Variants in TENM2 observed in about 807,000 individuals in gnomAD.
TENM2 encodes the protein teneurin transmembrane protein 2, also known as teneurin-2.
TENM2 carries 52 observed loss-of-function variants against 245.2 expected under a neutral mutation model. That is an observed-to-expected ratio of 0.21 (90% confidence interval 0.17 to 0.27). The LOEUF (loss-of-function observed/expected upper bound fraction) is 0.27. TENM2 is among the 10% of genes least tolerant of loss of function. TENM2 has a pLI of 1.00. For missense variants in TENM2, 3,046 were observed against 3,666.8 expected, an observed-to-expected ratio of 0.83 and a Z score of 4.37; for synonymous variants, 1,363 against 1,438.9, an observed-to-expected ratio of 0.95 and a Z score of 1.19.
At chr5:167,221,776 C>A in the TENM2 span, among the ~76,000 whole-genome samples, 1 of 152,178 alleles carries the variant, frequency 6.6e-6, no homozygotes, top group Non-Finnish European at 1.5e-5. Flanking sequence ...CTCCAGGAAT[C>A]TTCTGCTTTA....
the TENM2 span, among the ~76,000 whole-genome samples, chr5:167,245,757 AAATTATAG>A: frequency 2.0e-5 from 3 of 152,202 alleles, no homozygotes; most frequent in Admixed American, 1.3e-4. Context: ...GCGCAAAAGC[AAATTATAG>A]AATAGTAATT....
At chr5:167,648,845 G>T (rs1281803316) in intron 2 of TENM2, among the ~76,000 whole-genome samples, 1 of 152,168 alleles carries the variant, frequency 6.6e-6, no homozygotes, top group African/African-American at 2.4e-5. Context: ...CAAAATGCCT[G>T]TACTTTGTTC....
chr5:167,272,746 G>A, the TENM2 span, among the ~76,000 whole-genome samples: 1 of 152,066 alleles, frequency 6.6e-6, no homozygotes, highest in African/African-American at 2.4e-5. Context: ...TGGCTTTCTT[G>A]ATACCATACA....
At chr5:168,061,498 C>G (rs1194705320) in intron 6 of TENM2, among the ~76,000 whole-genome samples, 1 of 152,154 alleles carries the variant, frequency 6.6e-6, no homozygotes, top group Non-Finnish European at 1.5e-5. Context: ...AACAGAGATG[C>G]ATTAATATAA....
chr5:167,813,387 GCACACACACA>G (rs142804283), intron 2 of TENM2, among the ~76,000 whole-genome samples: 10 of 145,422 alleles, frequency 6.9e-5, no homozygotes, highest in African/African-American at 2.2e-4. Context: ...TACAAGTTCT[GCACACACACA>G]CACACACACA....
At chr5:167,115,770 G>A in the TENM2 span, among the ~76,000 whole-genome samples, 1 of 152,140 alleles carries the variant, frequency 6.6e-6, no homozygotes, top group Non-Finnish European at 1.5e-5. Flanking sequence ...TTTAATTGGA[G>A]GATGAATTTA....
intron 2 of TENM2, among the ~76,000 whole-genome samples, chr5:167,605,739 AATTG>A (rs1367420135): frequency 6.6e-6 from 1 of 152,194 alleles, no homozygotes; most frequent in Admixed American, 6.5e-5. Flanking sequence ...GTACCAGGTA[AATTG>A]ATTGGCTGTT....
At chr5:167,815,887 CTCT>C (rs1561812752) in intron 2 of TENM2, among the ~76,000 whole-genome samples, 1 of 151,990 alleles carries the variant, frequency 6.6e-6, no homozygotes, top group Non-Finnish European at 1.5e-5. Context: ...CTGAGAAGAT[CTCT>C]TCTTTCCCCT....
Position 167,358,840 on chromosome 5 carries a change from C to T in TENM2, c.227-16358C>T, listed in dbSNP as rs993153177. ...ACACACACACACACACACACACACACACACACACACACCCTGCTGTTTTTA... is the reference window on the plus strand; with the variant it reads ...ACACACACACACACACACACACACATACACACACACACCCTGCTGTTTTTA... On this transcript the variant is annotated intron_variant, in intron 1 of 28. Transcript: ENST00000518659. Among the ~76,000 whole-genome samples, 34 of 122,806 alleles carry T rather than the reference C, an allele frequency of 2.8e-4. No homozygotes were observed. The East Asian group carries it at 4.9e-3, about 18-fold the overall frequency. 80.6% of individuals were successfully genotyped at this position (122,806 alleles called of 152,430 possible). A position where few individuals can be genotyped will look rare whatever the true frequency, so the allele number is the denominator to read the frequency against.
chr5:167,413,795 GA>G lies in TENM2; in HGVS notation c.502+38324del, dbSNP rs1270218800. On this transcript the variant is annotated intron_variant, in intron 2 of 28. Transcript: ENST00000518659. ...AATTTATGAGGCTGAACTTAACACTGAATATCAAATAAGAATCACATTGATC... is the reference window on the plus strand; with the variant it reads ...AATTTATGAGGCTGAACTTAACACTGATATCAAATAAGAATCACATTGATC... 3.6e-4 allele frequency among the ~76,000 whole-genome samples: 55 copies of G among 152,070 alleles called. 1 individual carries two copies. The highest frequency in any genetic ancestry group is 1.2e-3 in the African/African-American group (51 of 41,420).
chr5:167,957,075 G>A (rs1780618680), intron 4 of TENM2, among the ~76,000 whole-genome samples: 1 of 152,010 alleles, frequency 6.6e-6, no homozygotes, highest in Non-Finnish European at 1.5e-5. Context: ...ACCTCTGGTA[G>A]GATTCAACTC....
intron 5 of TENM2, among the ~76,000 whole-genome samples, chr5:168,043,805 A>G (rs1788394478): frequency 6.6e-6 from 1 of 152,214 alleles, no homozygotes; most frequent in African/African-American, 2.4e-5. Context: ...TGCTGAATTC[A>G]ACAGTATAAA....
chr5:167,091,121 A>AT, the TENM2 span, among the ~76,000 whole-genome samples: 8 of 151,718 alleles, frequency 5.3e-5, no homozygotes, highest in Non-Finnish European at 1.2e-4. Context: ...TTTTTTGTGA[A>AT]TTTTTTTTTA....
intron 3 of TENM2, among the ~76,000 whole-genome samples, chr5:167,945,481 T>TA (rs1221744922): frequency 2.6e-5 from 4 of 152,138 alleles, no homozygotes; most frequent in African/African-American, 9.7e-5. Flanking sequence ...TAAGATGAAA[T>TA]ATGTAGAGTG....
intron 2 of TENM2, among the ~76,000 whole-genome samples, chr5:167,791,239 C>T (rs1041827636): frequency 1.3e-5 from 2 of 151,630 alleles, no homozygotes; most frequent in African/African-American, 4.8e-5. Context: ...TTCTCTCATA[C>T]ATTGTAAACT....
At chr5:168,155,383 T>C (rs1441544551) in intron 12 of TENM2, among the ~76,000 whole-genome samples, 1 of 112,960 alleles carries the variant, frequency 8.9e-6, no homozygotes, top group African/African-American at 3.7e-5. Context: ...AAAACAGTGA[T>C]ATTTAAAACA....
chr5:167,298,589 G>A (rs1464882849), intron 1 of TENM2, among the ~76,000 whole-genome samples: 2 of 152,130 alleles, frequency 1.3e-5, no homozygotes, highest in African/African-American at 2.4e-5. Context: ...GGGCGACAGC[G>A]AGACTCCGTC....
At chr5:167,646,439 A>G in intron 2 of TENM2, among the ~76,000 whole-genome samples, 1 of 151,828 alleles carries the variant, frequency 6.6e-6, no homozygotes. Flanking sequence ...AAATACGGTT[A>G]TTTCCATTAA....
At chr5:168,176,996 T>C (rs1305209341) in intron 13 of TENM2, among the ~76,000 whole-genome samples, 1 of 152,248 alleles carries the variant, frequency 6.6e-6, no homozygotes, top group African/African-American at 2.4e-5. Flanking sequence ...CCTCATCCTG[T>C]TCATTGACTT....
Sources: allele counts gnomAD v4.1 joint callset (sites outside exome capture counted in the v4.1 genomes callset), GRCh38; gene constraint gnomAD v4.1.1; transcripts MANE v1.5; gene names NCBI Gene and HGNC (gene_info 2026-07-23, HGNC 2026-07-21).